The following GULP1 variants were observed in gnomAD, a reference collection of about 807,000 sequenced individuals.
GULP1 encodes GULP PTB domain containing engulfment adaptor 1.
Under a neutral mutation model 40.9 loss-of-function variants are expected in GULP1, and 19 were observed. That is an observed-to-expected ratio of 0.46 (90% CI 0.32 to 0.68). The LOEUF is 0.68. Ranked by LOEUF, GULP1 falls within the 30% of genes least tolerant of loss-of-function variation. The probability of loss-of-function intolerance (pLI) is 0.03; values close to 1 mark genes in which losing one functional copy is unlikely to be tolerated. For missense variants in GULP1, 312 were observed against 362.2 expected (o/e 0.86, Z 1.12); for synonymous variants, 119 against 117.6 (o/e 1.01, Z -0.08).
chr2:188,451,748 G>T (rs2058847615), intron 2 of GULP1, among the ~76,000 whole-genome samples: 1 of 151,162 alleles, frequency 6.6e-6, no homozygotes. Context: ...TCTTCTCTTT[G>T]ATATCCCTGC....
chr2:188,427,252 C>T (rs2056320259), intron 2 of GULP1, among the ~76,000 whole-genome samples: 1 of 152,216 alleles, frequency 6.6e-6, no homozygotes, highest in Non-Finnish European at 1.5e-5. Context: ...AGAAGATTGG[C>T]AGCCTGGTCA....
intron 2 of GULP1, among the ~76,000 whole-genome samples, chr2:188,397,877 G>A (rs1378196858): frequency 6.6e-6 from 1 of 152,318 alleles, no homozygotes; most frequent in Non-Finnish European, 1.5e-5. Context: ...TGGAAGCTAC[G>A]TTCTTTTATA....
intron 7 of GULP1, among the ~76,000 whole-genome samples, chr2:188,562,884 A>C (rs919451109): frequency 1.3e-5 from 2 of 151,780 alleles, no homozygotes; most frequent in African/African-American, 4.9e-5. Context: ...CCACATATTT[A>C]GAGTTAAATA....
chr2:188,334,724 T>TA (rs1283829712), intron 1 of GULP1, among the ~76,000 whole-genome samples: 4 of 152,250 alleles, frequency 2.6e-5, no homozygotes, highest in African/African-American at 9.6e-5. Context: ...CAACTATTTG[T>TA]ATTGCCTTTG....
Position 188,418,499 on chromosome 2 carries a change from G to T in GULP1, c.-45+34610G>T, listed in dbSNP as rs767797143. ...ATACAAAAAATTAGCCGGGCATGGT[G>T]GTGGGCGCCTGTTATCCCAGCTACG... On this transcript the variant is annotated intron_variant, in intron 2 of 11. Transcript: ENST00000409830. Among the ~76,000 whole-genome samples, 4 of 152,068 alleles carry T rather than the reference G, an allele frequency of 2.6e-5. No homozygotes were observed. The East Asian group carries it at 7.7e-4, about 29-fold the overall frequency.
chr2:188,562,363 C>G (rs1413371653), intron 7 of GULP1, among the ~76,000 whole-genome samples: 1 of 152,124 alleles, frequency 6.6e-6, no homozygotes, highest in East Asian at 1.9e-4. Context: ...GAAAGTCACT[C>G]CTGGCTCCCA....
At chr2:188,416,649 A>G (rs923327581) in intron 2 of GULP1, among the ~76,000 whole-genome samples, 1 of 152,166 alleles carries the variant, frequency 6.6e-6, no homozygotes, top group Non-Finnish European at 1.5e-5. Context: ...CACAGCTTTA[A>G]TTCACCTACA....
rs1261327617 is a variant in GULP1 at position 188,501,922 on chromosome 2, A to T, written c.90+18430A>T. On this transcript the variant is annotated intron_variant, in intron 4 of 11. Coordinates refer to ENST00000409830, the MANE Select transcript of GULP1 (RefSeq NM_016315.4). ...GGCAGGCTGTCTCCCCTCCTCTCCC[A>T]GTCTGATTTTCCCAAACTTGAACAC... is the stretch of plus-strand genomic sequence containing the variant. Among the ~76,000 whole-genome samples, 5 of 151,862 alleles carry T rather than the reference A, an allele frequency of 3.3e-5. No homozygotes were observed. The East Asian group carries it at 9.7e-4, about 29-fold the overall frequency.
At chr2:188,445,797 CATT>C (rs2058334325) in intron 2 of GULP1, among the ~76,000 whole-genome samples, 2 of 152,120 alleles carry the variant, frequency 1.3e-5, no homozygotes, top group Admixed American at 6.6e-5. Flanking sequence ...CATTCCAGAT[CATT>C]ATTAATCCTA....
At chr2:188,464,505 C>T (rs2059959945) in intron 2 of GULP1, among the ~76,000 whole-genome samples, 1 of 152,156 alleles carries the variant, frequency 6.6e-6, no homozygotes, top group Non-Finnish European at 1.5e-5. Flanking sequence ...AAACCATTCC[C>T]TGGCTCCTGC....
chr2:188,539,170 T>C (rs1689767883), intron 6 of GULP1, among the ~76,000 whole-genome samples: 1 of 152,118 alleles, frequency 6.6e-6, no homozygotes. Context: ...ACTATGTAGA[T>C]TTCAGCACCA....
At chr2:188,547,320 A>G (rs1692232043) in intron 7 of GULP1, among the ~76,000 whole-genome samples, 1 of 151,990 alleles carries the variant, frequency 6.6e-6, no homozygotes, top group Non-Finnish European at 1.5e-5. Context: ...TAACCCAGTA[A>G]TGCATTATAT....
In GULP1 at chr2:188,570,060, TA is replaced by T; in HGVS notation, c.554del (p.Asn185IlefsTer10). ...ACTTAGAAACAGAAAATATGGAACTTAAAAATAAAGTACAAGATTTGGAAAA... is the reference window on the plus strand; with the variant it reads ...ACTTAGAAACAGAAAATATGGAACTTAAAATAAAGTACAAGATTTGGAAAA... Reference protein sequence around the residue: ...QDLETENMELKNKVQDLENQL... With the variant: ...QDLETENMELXNKVQDLENQL... On this transcript the variant is annotated frameshift_variant, in exon 9 of 12. Transcript: ENST00000409830. LOFTEE classifies it high-confidence loss of function. 6.9e-7 allele frequency: 1 copy of T among 1,443,742 alleles called. No homozygotes were observed. The highest frequency in any genetic ancestry group is 9.6e-7 in the Non-Finnish European group (1 of 1,037,666). 89.4% of individuals were successfully genotyped at this position (1,443,742 alleles called of 1,614,324 possible).
At chr2:188,380,782 A>G (rs2048916222) in intron 1 of GULP1, among the ~76,000 whole-genome samples, 1 of 152,186 alleles carries the variant, frequency 6.6e-6, no homozygotes, top group East Asian at 1.9e-4. Context: ...ACAAGTAGAA[A>G]TACAAGTTGG....
At chr2:188,298,782 A>G (rs757031326) in intron 1 of GULP1, among the ~76,000 whole-genome samples, 2 of 152,228 alleles carry the variant, frequency 1.3e-5, no homozygotes, top group Non-Finnish European at 2.9e-5. Flanking sequence ...AAAATTTTCT[A>G]GAGTAGTACA....
At chr2:188,398,076 C>T (rs950761668) in intron 2 of GULP1, among the ~76,000 whole-genome samples, 1 of 152,154 alleles carries the variant, frequency 6.6e-6, no homozygotes, top group Non-Finnish European at 1.5e-5. Flanking sequence ...AGTCCAAAGA[C>T]ATGTGTATTT....
chr2:188,593,836 A>G, intron 11 of GULP1, 104 bp from the exon 12 acceptor site: 1 of 681,718 alleles, frequency 1.5e-6, no homozygotes, highest in Non-Finnish European at 2.6e-6. Flanking sequence ...TTATTAGTTG[A>G]TCAAAGCATG....
chr2:188,431,869 C>T (rs914484152), intron 2 of GULP1, among the ~76,000 whole-genome samples: 2 of 151,782 alleles, frequency 1.3e-5, no homozygotes, highest in Admixed American at 6.6e-5. Context: ...ACAACTTTCT[C>T]TCTTACTTAC....
chr2:188,533,093 C>T (rs1687989037), intron 6 of GULP1, among the ~76,000 whole-genome samples: 1 of 152,056 alleles, frequency 6.6e-6, no homozygotes, highest in South Asian at 2.1e-4. Flanking sequence ...TAGGTTATTC[C>T]TTATACCTGC....
Sources: gnomAD v4.1 joint callset for allele counts (sites outside exome capture counted in the v4.1 genomes callset) on GRCh38, gnomAD v4.1.1 for gene constraint, MANE v1.5 for transcripts, NCBI Gene and HGNC (gene_info 2026-07-23, HGNC 2026-07-21) for gene names.